Variants in VSTM1 observed in about 807,000 individuals in gnomAD.
VSTM1 encodes V-set and transmembrane domain-containing protein 1.
A neutral mutation model predicts 33.1 loss-of-function variants in VSTM1; 27 were observed. The observed-to-expected ratio is 0.82, with a 90% CI of 0.60 to 1.12. VSTM1 has a LOEUF of 1.12. VSTM1 is among the 50% of genes most tolerant of loss of function. The pLI is 0.00. For synonymous variants in VSTM1, 115 were observed against 110.3 expected (o/e 1.04, Z -0.27); for missense variants, 304 against 288.9 (o/e 1.05, Z -0.38).
intron 4 of VSTM1, among the ~76,000 whole-genome samples, chr19:54,042,842 A>G (rs1326061637): frequency 4.0e-5 from 3 of 74,562 alleles, no homozygotes; most frequent in East Asian, 4.9e-4. Context: ...ATATATACAT[A>G]TATATATATA....
chr19:54,049,857 T>G (rs1179993811), intron 4 of VSTM1, among the ~76,000 whole-genome samples: 1 of 152,106 alleles, frequency 6.6e-6, no homozygotes, highest in East Asian at 1.9e-4. Flanking sequence ...TGGAGTAGGT[T>G]GCAGGAAGAT....
chr19:54,041,970 C>T lies in VSTM1; in HGVS notation c.516-17G>A. The T allele has an allele frequency of 6.2e-7, 1 of 1,613,998 alleles. No individual in the cohort carries two copies. The highest frequency in any genetic ancestry group is 8.5e-7 in the Non-Finnish European group (1 of 1,180,012). Reference sequence around the variant, plus strand: ...TGGCTGGTTCTGAAAGAGAGAGACACACGTGAAAGGATGGGATGTGAAGAT... The same window carrying T: ...TGGCTGGTTCTGAAAGAGAGAGACATACGTGAAAGGATGGGATGTGAAGAT... On this transcript the variant is annotated splice_polypyrimidine_tract_variant and intron_variant, in intron 6 of 8. Coordinates refer to ENST00000338372, the MANE Select transcript of VSTM1 (RefSeq NM_198481.4).
intron 3 of VSTM1, among the ~76,000 whole-genome samples, chr19:54,054,670 G>C (rs543516567): frequency 2.1e-5 from 3 of 141,370 alleles, no homozygotes; most frequent in Non-Finnish European, 4.7e-5. Context: ...TGGATAGATG[G>C]ATAGGTGGGT....
Position 54,042,179 on chromosome 19 carries a change from A to T in VSTM1, c.505T>A (p.Ser169Thr), listed in dbSNP as rs1292302270. The change falls in exon 6 of 9, where the codon TCC (serine) becomes ACC (threonine). Residue 169 changes from serine (S) to threonine (T), a missense_variant. Coordinates refer to ENST00000338372, the MANE Select transcript of VSTM1 (RefSeq NM_198481.4). ...CSQHSSSSEE[S>T]TKRTSHSKLP... ...ATGCCAAGCATCTACCTCTTGGTGGATTCCTCAGATGATGAACCTACAAAA... is the reference window on the plus strand; with the variant it reads ...ATGCCAAGCATCTACCTCTTGGTGGTTTCCTCAGATGATGAACCTACAAAA... 1 of 1,614,020 alleles carries T rather than the reference A, an allele frequency of 6.2e-7. No individual in the cohort carries two copies. Among genetic ancestry groups the T allele is most frequent in the Non-Finnish European group, 8.5e-7 (1 of 1,179,988 alleles).
rs143175217 is a variant in VSTM1 at position 54,055,496 on chromosome 19, C to T, written c.355+2810G>A. On this transcript the variant is annotated intron_variant, in intron 3 of 8. Coordinates refer to ENST00000338372, the MANE Select transcript of VSTM1 (RefSeq NM_198481.4). Reference sequence around the variant, plus strand: ...CATGTCAAATGCCAGTGTTATCACTCTATCCTCACCTGTCACCCAGATCTC... The same window carrying T: ...CATGTCAAATGCCAGTGTTATCACTTTATCCTCACCTGTCACCCAGATCTC... 589 of 142,880 alleles carry T rather than the reference C, an allele frequency of 4.1e-3. 79 individuals are homozygous for T. Among genetic ancestry groups the T allele is most frequent in the African/African-American group, 9.4e-3 (364 of 38,660 alleles). 8.9% of individuals were successfully genotyped at this position (142,880 alleles called of 1,614,324 possible).
chr19:54,042,823 T>TAC (rs2070377869), intron 4 of VSTM1, among the ~76,000 whole-genome samples: 4 of 71,156 alleles, frequency 5.6e-5, no homozygotes, highest in South Asian at 3.5e-4. Flanking sequence ...TATATATATA[T>TAC]ATATATATAT....
rs34846502 is a variant in VSTM1 at position 54,058,826 on chromosome 19, G to GATATAT, written c.35-100_35-95dup. On this transcript the variant is annotated intron_variant, in intron 1 of 8. Coordinates refer to ENST00000338372, the MANE Select transcript of VSTM1 (RefSeq NM_198481.4). Reference sequence around the variant, plus strand: ...TATGACTAGCTCTTTATAGGTCTGAGATATATATATATATATAATGTATAT... The same window carrying GATATAT: ...TATGACTAGCTCTTTATAGGTCTGAGATATATATATATATATATATATAATGTATAT... The GATATAT allele has an allele frequency of 1.9e-3, 1,126 of 599,294 alleles. 4 individuals carry two copies. Among genetic ancestry groups the GATATAT allele is most frequent in the Non-Finnish European group, 1.8e-3 (648 of 352,552 alleles). The allele number at this position is 599,294 out of a possible 1,614,324, so 37.1% of individuals were successfully genotyped here.
chr19:54,055,034 T>C (rs1257968569), intron 3 of VSTM1, among the ~76,000 whole-genome samples: 1 of 140,126 alleles, frequency 7.1e-6, no homozygotes, highest in Non-Finnish European at 1.6e-5. Context: ...AATGGGTAGA[T>C]GAAAGTGATG....
Position 54,055,546 on chromosome 19 carries a change from C to T in VSTM1, c.355+2760G>A, listed in dbSNP as rs186620828. The T allele has an allele frequency of 1.7e-4, 24 of 142,854 alleles. 4 individuals are homozygous for T. Among genetic ancestry groups the T allele is most frequent in the Non-Finnish European group, 2.3e-4 (15 of 64,550 alleles). The allele number at this position is 142,854 out of a possible 1,614,324, so 8.8% of individuals were successfully genotyped here. On this transcript the variant is annotated intron_variant, in intron 3 of 8. Transcript: ENST00000338372. ...CCAGCTTGTTGCTGGGGAAGGAGGC[C>T]AAGTGTGATGAGTTGCTCAGGTAAT...
At position 54,054,867 on chromosome 19, in the gene VSTM1, G is replaced by GGATGGATGAGTT. The variant is rs1555761682; in HGVS notation, c.356-3420_356-3419insAACTCATCCATC. On this transcript the variant is annotated intron_variant, in intron 3 of 8. Coordinates refer to ENST00000338372, the MANE Select transcript of VSTM1 (RefSeq NM_198481.4). ...TAGATGAATGGATGGATGGATGGATGGATGGATGGATGGATGAGTTGATGG... is the reference window on the plus strand; with the variant it reads ...TAGATGAATGGATGGATGGATGGATGGATGGATGAGTTGATGGATGGATGGATGAGTTGATGG... Among the ~76,000 whole-genome samples, 4 of 125,738 alleles carry GGATGGATGAGTT rather than the reference G, an allele frequency of 3.2e-5. No individual in the cohort carries two copies. The Admixed American group carries it at 3.3e-4, about 10-fold the overall frequency. 82.5% of individuals were successfully genotyped at this position (125,738 alleles called of 152,430 possible).
rs530088331 is a variant in VSTM1 at position 54,058,800 on chromosome 19, G to T, written c.35-68C>A. The stretch of plus-strand genomic sequence containing the variant: ...CTTGAGTACAAATCCAGCAGAGAAC[G>T]TATGACTAGCTCTTTATAGGTCTGA... On this transcript the variant is annotated intron_variant, in intron 1 of 8. Transcript: ENST00000338372. 1.9e-5 allele frequency: 25 copies of T among 1,345,988 alleles called. No individual in the cohort carries two copies. The South Asian group carries it at 2.6e-4, about 14-fold the overall frequency. 83.4% of individuals were successfully genotyped at this position (1,345,988 alleles called of 1,614,324 possible).
At chr19:54,059,185 C>T (rs1287603278) in intron 1 of VSTM1, among the ~76,000 whole-genome samples, 8 of 151,290 alleles carry the variant, frequency 5.3e-5, no homozygotes, top group Non-Finnish European at 7.4e-5. Context: ...CTCAGCCTCC[C>T]GAGTAGCTGG....
At chr19:54,041,990 G>C (rs2070303702) in intron 6 of VSTM1, 37 bp from the exon 7 acceptor site, 2 of 1,613,858 alleles carry the variant, frequency 1.2e-6, no homozygotes, top group South Asian at 2.2e-5. Context: ...GATGGGATGT[G>C]AAGATTTCGG....
chr19:54,055,837 C>T (rs2071059864), intron 3 of VSTM1: 2 of 142,430 alleles, frequency 1.4e-5, no homozygotes, highest in South Asian at 4.6e-4. Flanking sequence ...AGAGAAGGGC[C>T]AGGGCTTTTC....
chr19:54,042,822 A>ATGTG (rs1263197918), intron 4 of VSTM1, among the ~76,000 whole-genome samples: 12 of 54,328 alleles, frequency 2.2e-4, no homozygotes, highest in East Asian at 4.4e-4. Context: ...ATATATATAT[A>ATGTG]TATATATATA....
intron 3 of VSTM1, among the ~76,000 whole-genome samples, chr19:54,052,445 C>A (rs1244070479): frequency 7.1e-6 from 1 of 141,780 alleles, no homozygotes; most frequent in African/African-American, 2.6e-5. Context: ...ATATCACCTA[C>A]TCACCAGTCC....
chr19:54,056,952 A>G (rs2071128290), intron 3 of VSTM1, among the ~76,000 whole-genome samples: 1 of 139,682 alleles, frequency 7.2e-6, no homozygotes, highest in Non-Finnish European at 1.6e-5. Flanking sequence ...TTCTGGGCTC[A>G]AGAGATTCTC....
At position 54,058,585 on chromosome 19, in the gene VSTM1, G is replaced by T. The variant is rs772889186; in HGVS notation, c.76C>A (p.Pro26Thr). 7 of 1,613,434 alleles carry T rather than the reference G, an allele frequency of 4.3e-6. No individual in the cohort carries two copies. The highest frequency in any genetic ancestry group is 1.7e-6 in the Non-Finnish European group (2 of 1,179,520). ...CAGGCGTGGAGGGAGGGCTTGGGCG[G>T]TTTCTCTGGAAACAATTCAGAGTTA... ...GYEDEKKNEK[P>T]PKPSLHAWPS... Residue 26 changes from proline (P) to threonine (T), a missense_variant, in exon 3 of 9, where the codon CCG becomes ACG. By Grantham distance (38) the Pro-to-Thr change is conservative (BLOSUM62 -1). Transcript: ENST00000338372.
chr19:54,043,271 A>G (rs1321830984), intron 4 of VSTM1, among the ~76,000 whole-genome samples: 1 of 152,000 alleles, frequency 6.6e-6, no homozygotes, highest in Admixed American at 6.6e-5. Flanking sequence ...CTGCCTCCAG[A>G]CTCAAGCTGC....
Sources: allele counts gnomAD v4.1 joint callset (sites outside exome capture counted in the v4.1 genomes callset), GRCh38; gene constraint gnomAD v4.1.1; transcripts MANE v1.5; gene names NCBI Gene and HGNC (gene_info 2026-07-23, HGNC 2026-07-21).